PARD6G: variants seen among roughly 807,000 people sequenced by gnomAD.
PARD6G encodes par-6 family cell polarity regulator gamma.
PARD6G carries 7 observed loss-of-function variants against 10.7 expected under a neutral mutation model. The ratio of observed to expected loss-of-function variants is 0.66; its 90% CI spans 0.37 to 1.23. The LOEUF is 1.23. Among genes scored for constraint, PARD6G ranks in the 50% most tolerant of loss-of-function variants. The pLI is 0.02. For missense variants in PARD6G, 548 were observed against 571.8 expected, an observed-to-expected ratio of 0.96 and a Z score of 0.42; for synonymous variants, 287 against 269.4, an observed-to-expected ratio of 1.07 and a Z score of -0.64.
chr18:80,210,682 T>C (rs1568438125), intron 1 of PARD6G, among the ~76,000 whole-genome samples: 1 of 152,246 alleles, frequency 6.6e-6, no homozygotes, highest in African/African-American at 2.4e-5. Context: ...CAAGTTTATT[T>C]TGTTAGTAGG....
At position 80,246,806 on chromosome 18, in the gene PARD6G, C is replaced by T. The variant is rs1967555533; in HGVS notation, c.72+471G>A. Among the ~76,000 whole-genome samples the T allele has an allele frequency of 6.6e-6, 1 of 151,980 alleles. No homozygotes were observed. The highest frequency in any genetic ancestry group is 6.5e-5 in the Admixed American group (1 of 15,278). ...GGGCTCGGAGCCGGCGGCAAGTCTC[C>T]TCCTGGCAGGTAACAAGCCTCCTTT... On this transcript the variant is annotated intron_variant, in intron 1 of 2. Transcript: ENST00000353265. This position sits in a 1 kb window ranked among gnomAD's most constrained non-coding sequence, Gnocchi z 6.7.
chr18:80,187,088 C>T (rs570429951), intron 2 of PARD6G, among the ~76,000 whole-genome samples: 2 of 150,314 alleles, frequency 1.3e-5, no homozygotes, highest in East Asian at 3.9e-4. Context: ...CAGAGTAAGA[C>T]TCTGTCTCAA....
intron 1 of PARD6G, among the ~76,000 whole-genome samples, chr18:80,237,274 G>C (rs1271410905): frequency 6.6e-6 from 1 of 152,120 alleles, no homozygotes; most frequent in Non-Finnish European, 1.5e-5. Context: ...TTAATAAATG[G>C]TGCTGGGAAA....
chr18:80,247,128 CG>C lies in PARD6G; in HGVS notation c.72+148del, dbSNP rs943751495. Reference sequence around the variant, plus strand: ...AAGGACGGCCGGGGTCCCCAGTGCGCGTCCCGCGGAGCGGCGCGCGGCGCCC... The same window carrying C: ...AAGGACGGCCGGGGTCCCCAGTGCGCTCCCGCGGAGCGGCGCGCGGCGCCC... On this transcript the variant is annotated intron_variant, in intron 1 of 2. Coordinates refer to ENST00000353265, the MANE Select transcript of PARD6G (RefSeq NM_032510.4). This position sits in a 1 kb window ranked among gnomAD's most constrained non-coding sequence, Gnocchi z 4.2. The C allele has an allele frequency of 4.0e-6, 2 of 505,786 alleles. No individual in the cohort carries two copies. Among genetic ancestry groups the C allele is most frequent in the African/African-American group, 4.1e-5 (2 of 48,802 alleles). The allele number at this position is 505,786 out of a possible 1,614,324, so 31.3% of individuals were successfully genotyped here.
At chr18:80,199,391 G>A (rs943198310) in intron 2 of PARD6G, among the ~76,000 whole-genome samples, 6 of 152,204 alleles carry the variant, frequency 3.9e-5, no homozygotes, top group African/African-American at 1.4e-4. Context: ...TGCATGACTA[G>A]ACACACACGC....
At chr18:80,230,098 G>A (rs1281295151) in intron 1 of PARD6G, among the ~76,000 whole-genome samples, 1 of 152,244 alleles carries the variant, frequency 6.6e-6, no homozygotes, top group Non-Finnish European at 1.5e-5. Flanking sequence ...TTCACTGGCA[G>A]GGGCTGAGAC....
At chr18:80,218,303 T>C (rs1352146782) in intron 1 of PARD6G, among the ~76,000 whole-genome samples, 1 of 152,078 alleles carries the variant, frequency 6.6e-6, no homozygotes, top group Non-Finnish European at 1.5e-5. Flanking sequence ...GTTAGTTACA[T>C]CCTAGATACA....
intron 1 of PARD6G, among the ~76,000 whole-genome samples, chr18:80,218,186 C>T (rs1035211762): frequency 3.3e-5 from 5 of 152,062 alleles, no homozygotes; most frequent in Non-Finnish European, 5.9e-5. Context: ...CCAACAGTCC[C>T]CCAAAGTCTT....
chr18:80,162,247 A>G (rs2052705359), intron 2 of PARD6G: 1 of 152,264 alleles, frequency 6.6e-6, no homozygotes, highest in African/African-American at 2.4e-5. Context: ...AAGGTCTGGA[A>G]GGACTTTTGA....
In PARD6G at chr18:80,246,110, C is replaced by A. The variant is rs1285038631; in HGVS notation, c.72+1167G>T. Reference sequence around the variant, plus strand: ...CCCCAGAGACAGGGGAGGGAACACCCGCCCTGCGCCCAAGATAGGCACACA... The same window carrying A: ...CCCCAGAGACAGGGGAGGGAACACCAGCCCTGCGCCCAAGATAGGCACACA... On this transcript the variant is annotated intron_variant, in intron 1 of 2. Transcript: ENST00000353265. This position sits in a 1 kb window ranked among gnomAD's most constrained non-coding sequence, Gnocchi z 6.7. 6.6e-6 allele frequency among the ~76,000 whole-genome samples: 1 copy of A among 152,032 alleles called. No individual in the cohort carries two copies. Among genetic ancestry groups the A allele is most frequent in the African/African-American group, 2.4e-5 (1 of 41,370 alleles).
chr18:80,188,293 C>T lies in PARD6G; in HGVS notation c.295+14417G>A, dbSNP rs2052890798. 6.6e-6 allele frequency among the ~76,000 whole-genome samples: 1 copy of T among 152,172 alleles called. No homozygotes were observed. The highest frequency in any genetic ancestry group is 2.4e-5 in the African/African-American group (1 of 41,438). The stretch of plus-strand genomic sequence containing the variant: ...GGAGGTGGCCTGATCTCACTGCCTG[C>T]GTCAGGGACTCAGATTCAAAGACTG... On this transcript the variant is annotated intron_variant, in intron 2 of 2. Coordinates refer to ENST00000353265, the MANE Select transcript of PARD6G (RefSeq NM_032510.4). The surrounding 1 kb of genome is among the most constrained non-coding windows in gnomAD (Gnocchi z 5.4).
At chr18:80,213,754 C>T (rs745648137) in intron 1 of PARD6G, among the ~76,000 whole-genome samples, 3 of 151,216 alleles carry the variant, frequency 2.0e-5, no homozygotes, top group East Asian at 2.0e-4. Context: ...GTCAGGAGAT[C>T]GAGACCATCC....
chr18:80,232,597 A>G (rs1417670727), intron 1 of PARD6G, among the ~76,000 whole-genome samples: 1 of 152,142 alleles, frequency 6.6e-6, no homozygotes, highest in African/African-American at 2.4e-5. Context: ...TGTGGGGGAA[A>G]CTGCCCCCAT....
At chr18:80,204,694 A>C (rs1967039276) in intron 1 of PARD6G, among the ~76,000 whole-genome samples, 1 of 152,120 alleles carries the variant, frequency 6.6e-6, no homozygotes, top group Non-Finnish European at 1.5e-5. Context: ...CACGCCTGTA[A>C]TCCCAGCAGT....
At chr18:80,208,542 T>C (rs531855279) in intron 1 of PARD6G, among the ~76,000 whole-genome samples, 1 of 152,230 alleles carries the variant, frequency 6.6e-6, no homozygotes, top group South Asian at 2.1e-4. Context: ...ATAAAATGCC[T>C]CAAAGGGAGC....
intron 1 of PARD6G, among the ~76,000 whole-genome samples, chr18:80,241,147 G>A (rs778995610): frequency 1.3e-5 from 2 of 152,208 alleles, no homozygotes; most frequent in African/African-American, 4.8e-5. Context: ...TCAGACAGCT[G>A]AGGGAGTCTC....
chr18:80,193,972 C>T (rs1352096722), intron 2 of PARD6G, among the ~76,000 whole-genome samples: 2 of 152,124 alleles, frequency 1.3e-5, no homozygotes, highest in Non-Finnish European at 2.9e-5. Context: ...AATCATTTTC[C>T]AACAGGAGGG....
intron 1 of PARD6G, among the ~76,000 whole-genome samples, chr18:80,206,374 G>A (rs1348523422): frequency 6.6e-6 from 1 of 152,174 alleles, no homozygotes; most frequent in Non-Finnish European, 1.5e-5. Context: ...GATTAAACAA[G>A]AGTCCTCTAA....
At chr18:80,164,273 G>C (rs908632298) in intron 2 of PARD6G, among the ~76,000 whole-genome samples, 1 of 152,064 alleles carries the variant, frequency 6.6e-6, no homozygotes, top group African/African-American at 2.4e-5. Flanking sequence ...GTCTTGAGTG[G>C]GCCTCTCCTC....
Sources: gnomAD v4.1 joint callset for allele counts (sites outside exome capture counted in the v4.1 genomes callset) on GRCh38, gnomAD v4.1.1 for gene constraint, Gnocchi (gnomAD v3.1) non-coding constraint, MANE v1.5 for transcripts, NCBI Gene and HGNC (gene_info 2026-07-23, HGNC 2026-07-21) for gene names.